PHIP: variants seen among roughly 807,000 people sequenced by gnomAD.
PHIP encodes PHIP subunit of CUL4-Ring ligase complex.
In PHIP, 54 loss-of-function variants were observed where a neutral mutation model predicts 236.8. That is an observed-to-expected ratio of 0.23 (90% CI 0.18 to 0.29). The LOEUF is 0.29. PHIP is among the 10% of genes least tolerant of loss of function. The pLI, the probability that PHIP is intolerant of heterozygous loss-of-function variation, is 1.00. For missense variants in PHIP, 1,370 were observed against 2,190.8 expected (o/e 0.63, Z 7.48); for synonymous variants, 756 against 718.9 (o/e 1.05, Z -0.83).
intron 6 of PHIP, among the ~76,000 whole-genome samples, chr6:79,057,692 T>C (rs890790135): frequency 6.6e-6 from 1 of 152,086 alleles, no homozygotes; most frequent in Non-Finnish European, 1.5e-5. Context: ...AAGAAAACTT[T>C]TAAAGGTAGC....
chr6:78,970,120 G>T lies in PHIP; in HGVS notation c.3051C>A (p.Thr1017=). 2 of 1,611,862 alleles carry T rather than the reference G, an allele frequency of 1.2e-6. No homozygotes were observed. Among genetic ancestry groups the T allele is most frequent in the Non-Finnish European group, 8.5e-7 (1 of 1,178,170 alleles). ...GAAAAGCAAGTTTAAGGCAGCAAAGGGTAGGTAATCCCACTTCATACTTTA... is the reference window on the plus strand; with the variant it reads ...GAAAAGCAAGTTTAAGGCAGCAAAGTGTAGGTAATCCCACTTCATACTTTA... The part of the protein sequence containing the change: ...VGIKYEVGLP[T]LCCLKLAFLD... Residue 1017 remains threonine, a synonymous_variant, in exon 26 of 40, where the codon ACC becomes ACA. Coordinates refer to ENST00000275034, the MANE Select transcript of PHIP (RefSeq NM_017934.7).
At chr6:79,069,485 A>G (rs1773786733) in intron 4 of PHIP, among the ~76,000 whole-genome samples, 1 of 151,974 alleles carries the variant, frequency 6.6e-6, no homozygotes, top group Non-Finnish European at 1.5e-5. Flanking sequence ...TACTCTCCCT[A>G]TTTCATACAT....
chr6:78,999,100 C>T (rs1275682090), intron 17 of PHIP, among the ~76,000 whole-genome samples: 1 of 152,156 alleles, frequency 6.6e-6, no homozygotes, highest in Non-Finnish European at 1.5e-5. Flanking sequence ...ACATAAAGAT[C>T]TAGATAAGGA....
In PHIP at chr6:79,077,893, G is replaced by T. The variant is rs1462114654; in HGVS notation, c.61C>A (p.Arg21=). ...TGACAGGGTCCATCTTCCAGGAACC[G>T]GGCGATGAGGAAGTAGAGCTCTGCG... ...LRSELYFLIA[R]FLEDGPCQQA... is the part of the protein sequence containing the mutation. Residue 21 remains arginine (R), a synonymous_variant, in exon 2 of 40, where the codon CGG becomes AGG. Coordinates refer to ENST00000275034, the MANE Select transcript of PHIP (RefSeq NM_017934.7). 1.3e-6 allele frequency: 2 copies of T among 1,590,268 alleles called. No individual in the cohort carries two copies. Among genetic ancestry groups the T allele is most frequent in the South Asian group, 2.3e-5 (2 of 88,314 alleles).
rs1773300131 is a variant in PHIP, at chr6:78,937,112, TAC to T, written c.*3579_*3580del. Reference sequence around the variant, plus strand: ...AACTCCTGCATATAAGCAGAACACTTACAGTCCTTTAATCACTCAAGTATCTT... The same window carrying T: ...AACTCCTGCATATAAGCAGAACACTTAGTCCTTTAATCACTCAAGTATCTT... On this transcript the variant is annotated 3_prime_UTR_variant, in exon 40 of 40. Coordinates refer to ENST00000275034, the MANE Select transcript of PHIP (RefSeq NM_017934.7). 6.6e-6 allele frequency: 1 copy of T among 151,760 alleles called. No individual in the cohort carries two copies. Among genetic ancestry groups the T allele is most frequent in the South Asian group, 2.1e-4 (1 of 4,830 alleles). The allele number at this position is 151,760 out of a possible 1,614,324, so 9.4% of individuals were successfully genotyped here. A position where few individuals can be genotyped will look rare whatever the true frequency, so the allele number is the denominator to read the frequency against.
At chr6:79,056,480 G>A (rs1773078682) in intron 6 of PHIP, among the ~76,000 whole-genome samples, 1 of 152,146 alleles carries the variant, frequency 6.6e-6, no homozygotes, top group Admixed American at 6.6e-5. Flanking sequence ...TGGGGGAAAG[G>A]AGGAGGCATG....
intron 35 of PHIP, among the ~76,000 whole-genome samples, chr6:78,947,977 A>G (rs1773921369): frequency 6.6e-6 from 1 of 152,050 alleles, no homozygotes; most frequent in Admixed American, 6.6e-5. Context: ...GCAATCAACA[A>G]TAATTTTCTT....
Position 78,946,232 on chromosome 6 carries a change from G to A in PHIP, c.4399C>T (p.Pro1467Ser). 6.2e-7 allele frequency: 1 copy of A among 1,613,220 alleles called. No homozygotes were observed. The highest frequency in any genetic ancestry group is 2.2e-5 in the East Asian group (1 of 44,876). ...GTAGAGCTTTCTGATTTTAGCTGGG[G>A]TTTTAAGATCCTTTTTTTCCTTTCA... is the stretch of plus-strand genomic sequence containing the variant. ...SPERKKRILK[P>S]QLKSESSTSA... The change falls in exon 38 of 40, where the codon CCC becomes TCC. Residue 1467 changes from proline to serine, a missense_variant. Transcript: ENST00000275034.
intron 4 of PHIP, among the ~76,000 whole-genome samples, chr6:79,070,503 A>G (rs1190465353): frequency 1.3e-5 from 2 of 152,234 alleles, no homozygotes; most frequent in Non-Finnish European, 2.9e-5. Flanking sequence ...AAACTAAACC[A>G]GAGTCAAACA....
At chr6:78,979,606 C>T (rs1355392150) in intron 23 of PHIP, among the ~76,000 whole-genome samples, 1 of 151,966 alleles carries the variant, frequency 6.6e-6, no homozygotes, top group Non-Finnish European at 1.5e-5. Context: ...CCACAAGTGG[C>T]CACAATGGTC....
intron 4 of PHIP, among the ~76,000 whole-genome samples, chr6:79,063,522 T>G (rs945730975): frequency 6.6e-6 from 1 of 152,158 alleles, no homozygotes; most frequent in African/African-American, 2.4e-5. Flanking sequence ...GTTCAAGTGA[T>G]TCTCCTGCCT....
intron 24 of PHIP, among the ~76,000 whole-genome samples, chr6:78,971,414 C>T (rs765949336): frequency 8.5e-5 from 13 of 152,148 alleles, no homozygotes; most frequent in Non-Finnish European, 1.5e-4. Flanking sequence ...CAGTCTGACA[C>T]CCACTAGTAG....
intron 15 of PHIP, among the ~76,000 whole-genome samples, chr6:79,014,870 C>A (rs1487308873): frequency 6.6e-6 from 1 of 151,822 alleles, no homozygotes; most frequent in Non-Finnish European, 1.5e-5. Context: ...TCAGTTATCA[C>A]AATGTACAGG....
intron 6 of PHIP, among the ~76,000 whole-genome samples, chr6:79,058,584 T>C (rs1402584906): frequency 6.6e-6 from 1 of 152,132 alleles, no homozygotes; most frequent in Non-Finnish European, 1.5e-5. Context: ...TCTCACTGCA[T>C]GTGTGAACTT....
Position 79,039,531 on chromosome 6 carries a change from T to C in PHIP, c.600+3312A>G, listed in dbSNP as rs576896679. 2.0e-5 allele frequency among the ~76,000 whole-genome samples: 3 copies of C among 152,292 alleles called. No homozygotes were observed. In the East Asian group the frequency reaches 5.8e-4, roughly 29 times the overall value. On this transcript the variant is annotated intron_variant, in intron 7 of 39. Coordinates refer to ENST00000275034, the MANE Select transcript of PHIP (RefSeq NM_017934.7). ...TTATATCAATATTGTTTGTTTACCA[T>C]CTGTGAACTCTCCAAGAACAAATAC...
chr6:79,034,945 C>G (rs557027035), intron 7 of PHIP, among the ~76,000 whole-genome samples: 2 of 152,244 alleles, frequency 1.3e-5, no homozygotes, highest in East Asian at 1.9e-4. Flanking sequence ...TGTCCAAACA[C>G]TGAAACTCCC....
chr6:78,952,951 A>G (rs1335765730), intron 35 of PHIP, among the ~76,000 whole-genome samples: 3 of 150,734 alleles, frequency 2.0e-5, no homozygotes, highest in African/African-American at 7.3e-5. Flanking sequence ...AGAATAATCT[A>G]TTACTCAAAT....
intron 39 of PHIP, among the ~76,000 whole-genome samples, chr6:78,941,615 AC>A: frequency 6.6e-6 from 1 of 152,306 alleles, no homozygotes; most frequent in South Asian, 2.1e-4. Context: ...AGCTGGGATG[AC>A]TAAAGGTTTC....
intron 18 of PHIP, among the ~76,000 whole-genome samples, chr6:78,997,824 T>A (rs1769723253): frequency 6.6e-6 from 1 of 152,108 alleles, no homozygotes. Flanking sequence ...TATAGACTAT[T>A]AAGCCCCAAG....
Sources: allele counts gnomAD v4.1 joint callset (sites outside exome capture counted in the v4.1 genomes callset), GRCh38; gene constraint gnomAD v4.1.1; transcripts MANE v1.5; gene names NCBI Gene and HGNC (gene_info 2026-07-23, HGNC 2026-07-21).